Variants in CNTRL observed in about 807,000 individuals in gnomAD.
CNTRL encodes centriolin, also known as 110 kDa centrosomal protein.
CNTRL carries 233 observed loss-of-function variants against 303.7 expected under a neutral mutation model. That is an observed-to-expected ratio of 0.77 (90% confidence interval 0.69 to 0.86). The LOEUF (loss-of-function observed/expected upper bound fraction) is 0.86, where lower values mean the gene tolerates loss of function less well. Among genes scored for constraint, CNTRL ranks in the 40% least tolerant of loss-of-function variants. The pLI is 0.00. For missense variants in CNTRL, 2,524 were observed against 2,650.6 expected (o/e 0.95, Z 1.05); for synonymous variants, 900 against 922.2 (o/e 0.98, Z 0.44).
rs553746185 is a variant in CNTRL, at chr9:121,082,622, A to G, written c.-32+2144A>G. 7.9e-5 allele frequency among the ~76,000 whole-genome samples: 12 copies of G among 152,330 alleles called. No homozygotes were observed. In the East Asian group the frequency reaches 2.3e-3, roughly 29 times the overall value. ...AGACTACAAACCTGTACAGCATGTT[A>G]CTGTACTGAATACTTTAGGCAGTTG... On this transcript the variant is annotated intron_variant, in intron 2 of 43. Transcript: ENST00000373855.
At chr9:121,163,187 AAAAT>A (rs1164881914) in intron 34 of CNTRL, among the ~76,000 whole-genome samples, 3 of 134,424 alleles carry the variant, frequency 2.2e-5, no homozygotes, top group Non-Finnish European at 3.3e-5. Context: ...CAAAAAAAAA[AAAAT>A]AATAATAAAA....
At chr9:121,126,548 T>C (rs115793791) in intron 14 of CNTRL, among the ~76,000 whole-genome samples, 2,523 of 152,234 alleles carry the variant, frequency 0.017, 68 homozygotes, top group African/African-American at 0.058. Flanking sequence ...ATTTAAAAAA[T>C]CACAAATAAT....
chr9:121,154,644 T>C (rs1262670188), intron 26 of CNTRL, 77 bp from the exon 27 acceptor site: 10 of 811,384 alleles, frequency 1.2e-5, no homozygotes, highest in Non-Finnish European at 1.8e-5. Context: ...ATTGTAGATC[T>C]TTTTAGTAGT....
intron 39 of CNTRL, 116 bp from the exon 40 acceptor site, chr9:121,171,292 C>A: frequency 9.2e-7 from 1 of 1,083,870 alleles, no homozygotes; most frequent in Non-Finnish European, 1.4e-6. Context: ...CATTTGACAG[C>A]TAGAGAAGCT....
chr9:121,134,462 T>C (rs961444551), intron 14 of CNTRL, among the ~76,000 whole-genome samples: 2 of 152,048 alleles, frequency 1.3e-5, no homozygotes, highest in Non-Finnish European at 1.5e-5. Flanking sequence ...GGCTAATTTT[T>C]TTGTGTGTGT....
intron 14 of CNTRL, among the ~76,000 whole-genome samples, chr9:121,130,499 C>T (rs556355791): frequency 3.7e-4 from 56 of 152,150 alleles, no homozygotes; most frequent in Admixed American, 3.5e-3. Context: ...TTTTTTATTG[C>T]ATCTATTTGA....
chr9:121,142,913 C>CT (rs60012342), intron 19 of CNTRL, among the ~76,000 whole-genome samples: 10,298 of 147,556 alleles, frequency 0.07, 1,094 homozygotes, highest in African/African-American at 0.23. Flanking sequence ...CCAACTATAA[C>CT]TTTTTTTTTT....
At chr9:121,147,463 G>C (rs757582352) in intron 23 of CNTRL, among the ~76,000 whole-genome samples, 2 of 152,220 alleles carry the variant, frequency 1.3e-5, no homozygotes, top group Non-Finnish European at 2.9e-5. Context: ...ACTTATGGTA[G>C]GGTGAGCTTT....
At chr9:121,105,189 G>A (rs1161449945) in intron 7 of CNTRL, among the ~76,000 whole-genome samples, 1 of 152,178 alleles carries the variant, frequency 6.6e-6, no homozygotes, top group African/African-American at 2.4e-5. Flanking sequence ...AGCAGAGTCA[G>A]CCCTGGTTAA....
At chr9:121,110,279 C>T (rs1198290597) in intron 8 of CNTRL, among the ~76,000 whole-genome samples, 3 of 152,056 alleles carry the variant, frequency 2.0e-5, no homozygotes, top group African/African-American at 7.2e-5. Flanking sequence ...GTCCTGCTAG[C>T]CTCACAGAAT....
At chr9:121,141,839 A>G (rs2051532871) in intron 18 of CNTRL, among the ~76,000 whole-genome samples, 1 of 152,314 alleles carries the variant, frequency 6.6e-6, no homozygotes, top group South Asian at 2.1e-4. Context: ...CAGGCAGGTA[A>G]ATAATGCCAC....
intron 1 of CNTRL, among the ~76,000 whole-genome samples, chr9:121,079,816 C>G (rs2048069648): frequency 6.6e-6 from 1 of 152,118 alleles, no homozygotes; most frequent in South Asian, 2.1e-4. Context: ...ATCATGATAT[C>G]AGAGATCCTT....
intron 15 of CNTRL, among the ~76,000 whole-genome samples, chr9:121,137,451 A>G (rs527340643): frequency 6.6e-6 from 1 of 152,324 alleles, no homozygotes; most frequent in South Asian, 2.1e-4. Flanking sequence ...AAGCGTCAAT[A>G]TGTGCCTATT....
intron 2 of CNTRL, among the ~76,000 whole-genome samples, chr9:121,087,001 A>G (rs146052423): frequency 2.4e-3 from 358 of 152,334 alleles, no homozygotes; most frequent in Non-Finnish European, 3.9e-3. Context: ...CTGCAATGTA[A>G]TGATGGAAGA....
chr9:121,112,820 A>G (rs974460217), intron 9 of CNTRL, among the ~76,000 whole-genome samples: 3 of 152,184 alleles, frequency 2.0e-5, no homozygotes, highest in Non-Finnish European at 4.4e-5. Flanking sequence ...TCCATTACCA[A>G]AAGCAGTCGT....
At chr9:121,090,493 C>A in intron 4 of CNTRL, 88 bp downstream of exon 4, 1 of 1,246,636 alleles carries the variant, frequency 8.0e-7, no homozygotes, top group Non-Finnish European at 1.1e-6. Context: ...CTAATGTCAC[C>A]TAATTTGTGG....
Position 121,168,252 on chromosome 9 carries a change from G to A in CNTRL, c.6001G>A (p.Glu2001Lys), listed in dbSNP as rs763781063. ...QVLSKVLAAE[E>K]RVRTLQEEER... ...GCTCTCAAAGGTGCTGGCAGCTGAAGAGCGTGTTAGGACTCTGCAGGAAGA... is the reference window on the plus strand; with the variant it reads ...GCTCTCAAAGGTGCTGGCAGCTGAAAAGCGTGTTAGGACTCTGCAGGAAGA... Residue 2001 changes from glutamate (E) to lysine (K), a missense_variant, in exon 38 of 44, where the codon GAG becomes AAG. By Grantham distance (56) the Glu-to-Lys change is moderately conservative. Transcript: ENST00000373855. 20 of 1,614,166 alleles carry A rather than the reference G, an allele frequency of 1.2e-5. No individual in the cohort carries two copies. The East Asian group carries it at 2.9e-4, about 23-fold the overall frequency.
At chr9:121,148,590 A>G in intron 23 of CNTRL, 82 bp from the exon 24 acceptor site, 4 of 1,310,818 alleles carry the variant, frequency 3.1e-6, no homozygotes, top group Non-Finnish European at 4.2e-6. Context: ...CTACATCTCA[A>G]CTTTGCTGTA....
chr9:121,158,275 A>T (rs1026846112), intron 30 of CNTRL, among the ~76,000 whole-genome samples, 166 bp downstream of exon 30: 3 of 152,184 alleles, frequency 2.0e-5, no homozygotes, highest in African/African-American at 7.2e-5. Flanking sequence ...ACTTCTGAAT[A>T]AAAAAAGTGG....
Sources: gnomAD v4.1 joint callset for allele counts (sites outside exome capture counted in the v4.1 genomes callset) on GRCh38, gnomAD v4.1.1 for gene constraint, MANE v1.5 for transcripts, NCBI Gene and HGNC (gene_info 2026-07-23, HGNC 2026-07-21) for gene names.